Variants in LIN7A observed in about 807,000 individuals in gnomAD.
The protein encoded by LIN7A is lin-7 cell polarity scaffold A.
In LIN7A, 25 loss-of-function variants were observed where a neutral mutation model predicts 29.8. The observed-to-expected ratio is 0.84, with a 90% CI of 0.61 to 1.17. The LOEUF (loss-of-function observed/expected upper bound fraction) is 1.17, where lower values mean the gene tolerates loss of function less well. Ranked by LOEUF, LIN7A falls within the 50% of genes most tolerant of loss-of-function variation. The pLI, the probability that LIN7A is intolerant of heterozygous loss-of-function variation, is 0.00. For missense variants in LIN7A, 239 were observed against 287.0 expected (o/e 0.83, Z 1.21); for synonymous variants, 118 against 107.5 (o/e 1.10, Z -0.60).
rs569729267 is a variant in LIN7A, at chr12:80,842,718, C to A, written c.483+3012G>T. ...CAGTGTTTGTTAGAAGCCCAGAGTT[C>A]TAGAATTGGATTAACTATTATTTGT... On this transcript the variant is annotated intron_variant, in intron 4 of 5. Transcript: ENST00000552864. Among the ~76,000 whole-genome samples, 240 of 151,984 alleles carry A rather than the reference C, an allele frequency of 1.6e-3. 1 individual carries two copies. The highest frequency in any genetic ancestry group is 2.7e-3 in the Non-Finnish European group (183 of 67,944).
intron 1 of LIN7A, among the ~76,000 whole-genome samples, chr12:80,892,898 C>T (rs1462316139): frequency 6.6e-6 from 1 of 152,090 alleles, no homozygotes; most frequent in Non-Finnish European, 1.5e-5. Flanking sequence ...GGTTGAGAAC[C>T]TCTGCTACAT....
chr12:80,927,654 A>G (rs1441359433), intron 1 of LIN7A, among the ~76,000 whole-genome samples: 1 of 152,204 alleles, frequency 6.6e-6, no homozygotes, highest in Non-Finnish European at 1.5e-5. Context: ...TTAGCGCCCT[A>G]ACTACCAATG....
At chr12:80,889,807 C>T (rs902769332) in intron 1 of LIN7A, among the ~76,000 whole-genome samples, 3 of 152,180 alleles carry the variant, frequency 2.0e-5, no homozygotes, top group South Asian at 2.1e-4. Flanking sequence ...TGTGTATCTC[C>T]GCAGTTTGCC....
chr12:80,848,156 C>G (rs1326142428), intron 3 of LIN7A, 95 bp downstream of exon 3: 1 of 878,634 alleles, frequency 1.1e-6, no homozygotes, highest in Admixed American at 1.9e-5. Context: ...AATTCTCTTA[C>G]AGTGTACACA....
At chr12:80,908,831 A>T (rs183881515) in intron 1 of LIN7A, among the ~76,000 whole-genome samples, 1,656 of 150,256 alleles carry the variant, frequency 0.011, 66 homozygotes, top group East Asian at 0.078. Context: ...GTTTTTTTTT[A>T]AAAGTTGGTT....
intron 1 of LIN7A, among the ~76,000 whole-genome samples, chr12:80,921,116 G>C (rs1408181136): frequency 1.3e-5 from 2 of 152,134 alleles, no homozygotes; most frequent in East Asian, 3.9e-4. Flanking sequence ...ATTAAGTCAA[G>C]AGGGCGCTGG....
intron 2 of LIN7A, among the ~76,000 whole-genome samples, chr12:80,849,305 A>C (rs1873217651): frequency 6.6e-6 from 1 of 152,186 alleles, no homozygotes; most frequent in African/African-American, 2.4e-5. Flanking sequence ...CTTCCAGATT[A>C]TTTCCTTGGA....
intron 4 of LIN7A, chr12:80,832,450 G>A: frequency 4.5e-6 from 2 of 441,584 alleles, no homozygotes; most frequent in Non-Finnish European, 9.1e-6. Flanking sequence ...TGTCATCCAT[G>A]GTAATTGGGA....
At chr12:80,891,701 A>T (rs1466991601) in intron 1 of LIN7A, among the ~76,000 whole-genome samples, 3 of 152,158 alleles carry the variant, frequency 2.0e-5, no homozygotes, top group Non-Finnish European at 2.9e-5. Flanking sequence ...TGGATGTATA[A>T]CAAAGACATT....
intron 2 of LIN7A, among the ~76,000 whole-genome samples, chr12:80,855,031 G>T (rs182129583): frequency 4.6e-4 from 70 of 152,168 alleles, no homozygotes; most frequent in African/African-American, 1.7e-3. Context: ...ATGCTCCAGA[G>T]ATTTTGTAGT....
At chr12:80,890,437 A>C (rs1320052666) in intron 1 of LIN7A, among the ~76,000 whole-genome samples, 2 of 152,102 alleles carry the variant, frequency 1.3e-5, no homozygotes, top group Non-Finnish European at 2.9e-5. Flanking sequence ...TCTGTTATTA[A>C]TGCTTGGTGC....
intron 4 of LIN7A, among the ~76,000 whole-genome samples, chr12:80,820,295 A>C (rs1020425660): frequency 6.6e-6 from 1 of 152,330 alleles, no homozygotes; most frequent in South Asian, 2.1e-4. Context: ...AGTGTATATA[A>C]TTATACATAT....
At chr12:80,931,885 T>C (rs77951898) in intron 1 of LIN7A, among the ~76,000 whole-genome samples, 5,703 of 152,254 alleles carry the variant, frequency 0.037, 174 homozygotes, top group Non-Finnish European at 0.055. Flanking sequence ...CCTCCTCTTT[T>C]CTACCCCTGA....
In LIN7A at chr12:80,802,694, C is replaced by T. The variant is rs1180479939; in HGVS notation, c.*1-4968G>A. Among the ~76,000 whole-genome samples, 18 of 146,184 alleles carry T rather than the reference C, an allele frequency of 1.2e-4. No homozygotes were observed. The Admixed American group carries it at 1.2e-3, about 10-fold the overall frequency. On this transcript the variant is annotated intron_variant, in intron 5 of 5. Coordinates refer to ENST00000552864, the MANE Select transcript of LIN7A (RefSeq NM_004664.4). ...TTTTTTTTTTTTTAGAGATGGGGGT[C>T]TCACTATGTTGCCTAGGGTGGACTC...
chr12:80,836,934 C>A (rs973847191), intron 4 of LIN7A, among the ~76,000 whole-genome samples: 32 of 150,314 alleles, frequency 2.1e-4, no homozygotes, highest in Non-Finnish European at 5.9e-5. Flanking sequence ...TTTTCACGTA[C>A]ATTTTTTTTT....
chr12:80,842,163 T>A, intron 4 of LIN7A: 1 of 1,269,528 alleles, frequency 7.9e-7, no homozygotes, highest in Non-Finnish European at 1.0e-6. Flanking sequence ...AATTGCTGTA[T>A]TTTGTCTTTA....
chr12:80,803,894 A>C (rs1870840660), intron 5 of LIN7A, among the ~76,000 whole-genome samples: 1 of 152,144 alleles, frequency 6.6e-6, no homozygotes, highest in African/African-American at 2.4e-5. Context: ...ACAGTTCACA[A>C]ATATGTCTGT....
intron 1 of LIN7A, among the ~76,000 whole-genome samples, chr12:80,925,219 G>A (rs1011817170): frequency 6.6e-6 from 1 of 152,140 alleles, no homozygotes; most frequent in Non-Finnish European, 1.5e-5. Context: ...AACCTCATGT[G>A]GTAAGTGTTC....
chr12:80,854,164 A>G (rs1158848651), intron 2 of LIN7A, among the ~76,000 whole-genome samples: 2 of 152,206 alleles, frequency 1.3e-5, no homozygotes, highest in Admixed American at 6.6e-5. Flanking sequence ...CAATATGGAA[A>G]TACTTATAGC....
Sources: allele counts gnomAD v4.1 joint callset (sites outside exome capture counted in the v4.1 genomes callset), GRCh38; gene constraint gnomAD v4.1.1; transcripts MANE v1.5; gene names NCBI Gene and HGNC (gene_info 2026-07-23, HGNC 2026-07-21).